The following LINGO2 variants were observed in gnomAD, a reference collection of about 807,000 sequenced individuals.
The protein encoded by LINGO2 is leucine-rich repeat and immunoglobulin-like domain-containing nogo receptor-interacting protein 2.
Under a neutral mutation model 30.6 loss-of-function variants are expected in LINGO2, and 14 were observed. That is an observed-to-expected ratio of 0.46 (90% confidence interval 0.30 to 0.72). The LOEUF (loss-of-function observed/expected upper bound fraction) is 0.72, where lower values mean the gene tolerates loss of function less well. LINGO2 is among the 30% of genes least tolerant of loss of function. The pLI is 0.07. For missense variants in LINGO2, 729 were observed against 751.7 expected (o/e 0.97, Z 0.35); for synonymous variants, 317 against 288.5 (o/e 1.10, Z -1.00).
chr9:28,636,059 G>C (rs957018557), intron 1 of LINGO2, among the ~76,000 whole-genome samples: 2 of 151,970 alleles, frequency 1.3e-5, no homozygotes, highest in Non-Finnish European at 2.9e-5. Context: ...CCACCTATGA[G>C]TGAGAACATG....
the LINGO2 span, among the ~76,000 whole-genome samples, chr9:28,755,961 T>C: frequency 6.6e-6 from 1 of 152,048 alleles, no homozygotes; most frequent in African/African-American, 2.4e-5. Flanking sequence ...AAGGCAAATT[T>C]AATTCTAATA....
chr9:28,494,003 C>T (rs557107577), intron 1 of LINGO2, among the ~76,000 whole-genome samples: 182 of 152,206 alleles, frequency 1.2e-3, no homozygotes, highest in South Asian at 4.4e-3. Flanking sequence ...GTCAATTCTT[C>T]TTAATTGACT....
intron 4 of LINGO2, among the ~76,000 whole-genome samples, chr9:28,247,028 A>T (rs1017899836): frequency 6.6e-6 from 1 of 152,246 alleles, no homozygotes; most frequent in Non-Finnish European, 1.5e-5. Context: ...CATTAGAGAA[A>T]TGCAAATCAA....
the LINGO2 span, among the ~76,000 whole-genome samples, chr9:28,709,478 A>C: frequency 2.0e-5 from 3 of 151,882 alleles, no homozygotes; most frequent in African/African-American, 7.3e-5. Context: ...ATTTGGGGGG[A>C]AAATCTAATA....
intron 1 of LINGO2, among the ~76,000 whole-genome samples, chr9:28,616,374 GT>G (rs1334521643): frequency 1.3e-5 from 2 of 151,988 alleles, no homozygotes. Flanking sequence ...ATGTCAGTCC[GT>G]TTGGCTTTGA....
chr9:28,558,501 C>A (rs909252394), intron 1 of LINGO2, among the ~76,000 whole-genome samples: 63 of 152,110 alleles, frequency 4.1e-4, no homozygotes, highest in African/African-American at 1.4e-3. Context: ...GAATAAAGTT[C>A]TTCTTTTCTA....
intron 1 of LINGO2, among the ~76,000 whole-genome samples, chr9:28,614,397 A>G (rs1478039812): frequency 6.6e-6 from 1 of 152,168 alleles, no homozygotes; most frequent in Non-Finnish European, 1.5e-5. Flanking sequence ...TCTTAAATGT[A>G]TAAAGTCCAT....
chr9:28,506,505 C>CATATATAT (rs773033942), intron 1 of LINGO2, among the ~76,000 whole-genome samples: 1 of 84,428 alleles, frequency 1.2e-5, no homozygotes, highest in African/African-American at 4.4e-5. Context: ...CACACACAGA[C>CATATATAT]ATATATATAT....
intron 4 of LINGO2, among the ~76,000 whole-genome samples, chr9:28,032,360 G>C (rs1041537968): frequency 6.6e-6 from 1 of 152,162 alleles, no homozygotes; most frequent in African/African-American, 2.4e-5. Flanking sequence ...CAGGGCTATA[G>C]GAATGCTGAT....
intron 3 of LINGO2, among the ~76,000 whole-genome samples, chr9:28,312,118 T>C (rs1036501201): frequency 1.3e-5 from 2 of 151,488 alleles, no homozygotes; most frequent in Non-Finnish European, 2.9e-5. Flanking sequence ...CAAGTATCTA[T>C]GTTCTTTAGC....
intron 4 of LINGO2, among the ~76,000 whole-genome samples, chr9:28,210,140 A>G (rs1028414897): frequency 1.3e-5 from 2 of 151,788 alleles, no homozygotes; most frequent in Non-Finnish European, 3.0e-5. Flanking sequence ...CAAGGTCCAG[A>G]TATTTCAATA....
At chr9:28,459,414 T>G (rs1657799204) in intron 2 of LINGO2, among the ~76,000 whole-genome samples, 1 of 152,094 alleles carries the variant, frequency 6.6e-6, no homozygotes, top group African/African-American at 2.4e-5. Context: ...GTAGGGATAG[T>G]GATACGCTTC....
At chr9:28,871,105 A>T in the LINGO2 span, among the ~76,000 whole-genome samples, 1 of 151,950 alleles carries the variant, frequency 6.6e-6, no homozygotes, top group East Asian at 1.9e-4. Context: ...AATGAATTAA[A>T]AGTGGGAACC....
chr9:28,460,290 T>C (rs745499432), intron 2 of LINGO2, among the ~76,000 whole-genome samples: 7 of 152,106 alleles, frequency 4.6e-5, no homozygotes, highest in Non-Finnish European at 1.0e-4. Flanking sequence ...AATCTCAGAG[T>C]CCTTTTAGGA....
chr9:28,725,079 G>A, the LINGO2 span, among the ~76,000 whole-genome samples: 4 of 151,894 alleles, frequency 2.6e-5, no homozygotes, highest in Non-Finnish European at 5.9e-5. Flanking sequence ...AAAATTCAGA[G>A]CGTATTTTTT....
At chr9:28,612,676 T>C (rs1478193647) in intron 1 of LINGO2, among the ~76,000 whole-genome samples, 1 of 152,200 alleles carries the variant, frequency 6.6e-6, no homozygotes, top group African/African-American at 2.4e-5. Flanking sequence ...CCGGACTTGC[T>C]TTTGATTTTA....
chr9:28,760,915 CGTGTGT>C, the LINGO2 span, among the ~76,000 whole-genome samples: 55,682 of 141,650 alleles, frequency 0.39, 11,397 homozygotes, highest in East Asian at 0.75. Flanking sequence ...TATATACGTA[CGTGTGT>C]GTGTGTGTGT....
chr9:28,311,085 G>C (rs989996917), intron 3 of LINGO2, among the ~76,000 whole-genome samples: 1 of 152,096 alleles, frequency 6.6e-6, no homozygotes, highest in Non-Finnish European at 1.5e-5. Context: ...GAGTACAAAA[G>C]AGAGAAATTT....
the LINGO2 span, chr9:27,940,841 G>A: frequency 4.6e-5 from 7 of 152,128 alleles, no homozygotes; most frequent in Non-Finnish European, 7.3e-5. Flanking sequence ...GTTTAGCTTC[G>A]AGTTCATTAT....
Sources: allele counts gnomAD v4.1 joint callset (sites outside exome capture counted in the v4.1 genomes callset), GRCh38; gene constraint gnomAD v4.1.1; transcripts MANE v1.5; gene names NCBI Gene and HGNC (gene_info 2026-07-23, HGNC 2026-07-21).